The following DCAF6 variants were observed in gnomAD, a reference collection of about 807,000 sequenced individuals.
DCAF6 encodes DDB1 and CUL4 associated factor 6.
DCAF6 carries 54 observed loss-of-function variants against 125.1 expected under a neutral mutation model. That is an observed-to-expected ratio of 0.43 (90% CI 0.35 to 0.54). DCAF6 has a LOEUF of 0.54. DCAF6 is among the 20% of genes least tolerant of loss of function. DCAF6 has a pLI of 0.01. For synonymous variants in DCAF6, 371 were observed against 390.4 expected (o/e 0.95, Z 0.58); for missense variants, 934 against 1,161.7 (o/e 0.80, Z 2.85).
chr1:167,910,110 C>T, the DCAF6 span, among the ~76,000 whole-genome samples: 1 of 152,214 alleles, frequency 6.6e-6, no homozygotes, highest in East Asian at 1.9e-4. Context: ...TCTGCCAATG[C>T]TCCCAGCCGA....
chr1:168,034,710 G>A (rs1039385102), intron 12 of DCAF6, among the ~76,000 whole-genome samples: 3 of 152,058 alleles, frequency 2.0e-5, no homozygotes, highest in African/African-American at 4.8e-5. Flanking sequence ...TAATATGATA[G>A]CTTTCTACAT....
At chr1:168,036,768 G>C (rs1210771660) in intron 12 of DCAF6, among the ~76,000 whole-genome samples, 3 of 152,102 alleles carry the variant, frequency 2.0e-5, no homozygotes, top group African/African-American at 7.2e-5. Flanking sequence ...CTAAAACACT[G>C]AATGTAATAC....
At chr1:168,063,161 T>G (rs991703625) in intron 17 of DCAF6, among the ~76,000 whole-genome samples, 8 of 152,124 alleles carry the variant, frequency 5.3e-5, no homozygotes, top group African/African-American at 1.9e-4. Context: ...TTAAACCACA[T>G]TTTAAATAAA....
intron 3 of DCAF6, among the ~76,000 whole-genome samples, chr1:167,968,076 A>G (rs770317401): frequency 1.3e-5 from 2 of 152,188 alleles, no homozygotes; most frequent in Non-Finnish European, 2.9e-5. Flanking sequence ...TTATTTTAAT[A>G]GTAATTCCAA....
In DCAF6 at chr1:168,046,411, C is replaced by G. The variant is rs113068805; in HGVS notation, c.2258+1184C>G. Among the ~76,000 whole-genome samples the G allele has an allele frequency of 2.9e-3, 447 of 152,184 alleles. 1 individual carries two copies. The highest frequency in any genetic ancestry group is 0.01 in the African/African-American group (425 of 41,556). On this transcript the variant is annotated intron_variant, in intron 16 of 21. Transcript: ENST00000367840. Reference sequence around the variant, plus strand: ...GACTGAAAGAAGACAGGCAAAAATCCTGAAGAGGATAGCTTGCAGCTCAGG... The same window carrying G: ...GACTGAAAGAAGACAGGCAAAAATCGTGAAGAGGATAGCTTGCAGCTCAGG...
At chr1:167,879,960 T>C in the DCAF6 span, among the ~76,000 whole-genome samples, 1 of 152,222 alleles carries the variant, frequency 6.6e-6, no homozygotes, top group African/African-American at 2.4e-5. Flanking sequence ...TCTGCAAGCA[T>C]TGAGGGCTCC....
intron 4 of DCAF6, among the ~76,000 whole-genome samples, chr1:167,978,536 AT>A (rs1000091021): frequency 6.6e-6 from 1 of 151,016 alleles, no homozygotes; most frequent in African/African-American, 2.4e-5. Context: ...TCTCTTGCCT[AT>A]TTTTTTCTGT....
chr1:168,033,657 A>G (rs1687429990), intron 12 of DCAF6, among the ~76,000 whole-genome samples: 1 of 152,136 alleles, frequency 6.6e-6, no homozygotes, highest in South Asian at 2.1e-4. Flanking sequence ...ATCTCAAGTT[A>G]CGGACCTTTC....
chr1:167,885,697 C>T, the DCAF6 span, among the ~76,000 whole-genome samples: 1 of 152,058 alleles, frequency 6.6e-6, no homozygotes, highest in East Asian at 1.9e-4. Flanking sequence ...CTCACTGCAA[C>T]CTCCGCCTCC....
intron 4 of DCAF6, among the ~76,000 whole-genome samples, chr1:167,980,432 C>T (rs1678924440): frequency 6.6e-6 from 1 of 151,202 alleles, no homozygotes; most frequent in African/African-American, 2.5e-5. Context: ...ATTTTACATG[C>T]CTACCAGCTG....
At chr1:167,901,745 A>G in the DCAF6 span, 4 of 1,614,112 alleles carry the variant, frequency 2.5e-6, no homozygotes, top group East Asian at 8.9e-5. Flanking sequence ...TTTAATTACC[A>G]CTGTGATAAT....
At chr1:168,051,217 A>G (rs1363901103) in intron 17 of DCAF6, among the ~76,000 whole-genome samples, 1 of 152,248 alleles carries the variant, frequency 6.6e-6, no homozygotes, top group African/African-American at 2.4e-5. Context: ...TACTTTAAGT[A>G]TCAGTTACTC....
the DCAF6 span, among the ~76,000 whole-genome samples, chr1:167,925,222 T>TTA: frequency 6.6e-6 from 1 of 151,876 alleles, no homozygotes; most frequent in Admixed American, 6.6e-5. Context: ...TTTACATATT[T>TTA]TACTCCAGTT....
chr1:168,049,849 G>GTT (rs1054998363), intron 16 of DCAF6, among the ~76,000 whole-genome samples: 9 of 150,498 alleles, frequency 6.0e-5, no homozygotes, highest in African/African-American at 2.2e-4. Context: ...TAGATACGGG[G>GTT]TTTCACCGTG....
chr1:168,040,254 A>G, intron 13 of DCAF6, among the ~76,000 whole-genome samples: 1 of 152,066 alleles, frequency 6.6e-6, no homozygotes, highest in East Asian at 1.9e-4. Flanking sequence ...AGTATGTTCA[A>G]GGATCTTAAG....
rs748787337 is a variant in DCAF6, at chr1:167,936,964, C to T, written c.53C>T (p.Ser18Phe). The change falls in exon 1 of 22, where the codon TCC (serine) becomes TTC (phenylalanine). Residue 18 changes from serine (S) to phenylalanine (F), a missense_variant. Physicochemically the swap from Ser to Phe is radical, Grantham distance 155. Coordinates refer to ENST00000367840, the MANE Select transcript of DCAF6 (RefSeq NM_001198956.2). The part of the protein sequence containing the change: ...PHLLWDVRKR[S>F]LGLEDPSRLR... Reference sequence around the variant, plus strand: ...CTGTTGTGGGACGTGAGGAAAAGGTCCCTCGGGCTGGAGGACCCGTCCCGG... The same window carrying T: ...CTGTTGTGGGACGTGAGGAAAAGGTTCCTCGGGCTGGAGGACCCGTCCCGG... 2 of 1,611,100 alleles carry T rather than the reference C, an allele frequency of 1.2e-6. No individual in the cohort carries two copies. Among genetic ancestry groups the T allele is most frequent in the Non-Finnish European group, 1.7e-6 (2 of 1,179,198 alleles).
At chr1:167,868,244 A>G in the DCAF6 span, among the ~76,000 whole-genome samples, 1 of 152,094 alleles carries the variant, frequency 6.6e-6, no homozygotes, top group African/African-American at 2.4e-5. Flanking sequence ...AGAAACTGTA[A>G]TAAGAGATCA....
intron 1 of DCAF6, among the ~76,000 whole-genome samples, chr1:167,945,955 G>GTTT (rs1238443018): frequency 0.06 from 7,413 of 123,764 alleles, 271 homozygotes; most frequent in Middle Eastern, 0.086. Context: ...AAATCTAAGG[G>GTTT]TTTTTTTTTT....
chr1:167,892,239 T>A, the DCAF6 span, among the ~76,000 whole-genome samples: 1 of 152,228 alleles, frequency 6.6e-6, no homozygotes, highest in East Asian at 1.9e-4. Context: ...CCCAAAGTGC[T>A]GGGATTACAG....
Sources: allele counts gnomAD v4.1 joint callset (sites outside exome capture counted in the v4.1 genomes callset), GRCh38; gene constraint gnomAD v4.1.1; transcripts MANE v1.5; gene names NCBI Gene and HGNC (gene_info 2026-07-23, HGNC 2026-07-21).